Variants in DNAH2 observed in about 807,000 individuals in gnomAD.
DNAH2 encodes dynein axonemal heavy chain 2, also known as axonemal beta dynein heavy chain 2.
Under a neutral mutation model 523.5 loss-of-function variants are expected in DNAH2, and 323 were observed. The ratio of observed to expected loss-of-function variants is 0.62; its 90% CI spans 0.56 to 0.68. The LOEUF is 0.68. Ranked by LOEUF, DNAH2 falls within the 30% of genes least tolerant of loss-of-function variation. The pLI is 0.00. For synonymous variants in DNAH2, 2,093 were observed against 2,177.4 expected (o/e 0.96, Z 1.08); for missense variants, 4,907 against 5,701.5 (o/e 0.86, Z 4.49).
At position 7,805,305 on chromosome 17, in the gene DNAH2, GC is replaced by G; in HGVS notation, c.9359del (p.Pro3120GlnfsTer6). ...TAGGAGAGATCAAGTCTTATGGACG[GC>G]CCCCAGCCCAAGTGGAGATAGTGAT... ...DIGEIKSYGR[P>X]PAQVEIVMQA... On this transcript the variant is annotated frameshift_variant, in exon 61 of 86. Transcript: ENST00000572933. LOFTEE classifies it high-confidence loss of function. The G allele has an allele frequency of 6.2e-7, 1 of 1,614,194 alleles. No homozygotes were observed. Among genetic ancestry groups the G allele is most frequent in the Non-Finnish European group, 8.5e-7 (1 of 1,180,036 alleles).
At chr17:7,802,955 G>C (rs1457729132) in intron 58 of DNAH2, among the ~76,000 whole-genome samples, 1 of 151,948 alleles carries the variant, frequency 6.6e-6, no homozygotes, top group African/African-American at 2.4e-5. Flanking sequence ...TTACAGGCAT[G>C]AGCCACCGTG....
At chr17:7,729,757 TTC>T (rs1433511083) in intron 4 of DNAH2, among the ~76,000 whole-genome samples, 1 of 152,144 alleles carries the variant, frequency 6.6e-6, no homozygotes, top group East Asian at 1.9e-4. Flanking sequence ...ACAAAGATTT[TTC>T]ACTGCCTTAA....
intron 3 of DNAH2, among the ~76,000 whole-genome samples, chr17:7,724,742 C>CTTTTTTTTTTTTTT (rs57294591): frequency 3.1e-5 from 4 of 130,446 alleles, no homozygotes; most frequent in Non-Finnish European, 4.7e-5. Context: ...TCATATGTTA[C>CTTTTTTTTTTTTTT]TTTTTTTTTT....
At position 7,821,178 on chromosome 17, in the gene DNAH2, A is replaced by G; in HGVS notation, c.11016-65A>G. ...AGCTGTGTGATAGTAGCATCATAGC[A>G]TTCGCATGGAGCATCAGCCCCCATT... On this transcript the variant is annotated intron_variant, in intron 72 of 85. Coordinates refer to ENST00000572933, the MANE Select transcript of DNAH2 (RefSeq NM_020877.5). This position sits in a 1 kb window ranked among gnomAD's most constrained non-coding sequence, Gnocchi z 5.0. 1 of 1,572,392 alleles carries G rather than the reference A, an allele frequency of 6.4e-7. No individual in the cohort carries two copies. Among genetic ancestry groups the G allele is most frequent in the East Asian group, 2.3e-5 (1 of 44,138 alleles).
In DNAH2 at chr17:7,765,583, T is replaced by G; in HGVS notation, c.3511+18T>G. Reference sequence around the variant, plus strand: ...ATTCAAAGGTACTCCTTGATCCACCTCTCCCGCTTCTTTAGCCTTTGTTTA... The same window carrying G: ...ATTCAAAGGTACTCCTTGATCCACCGCTCCCGCTTCTTTAGCCTTTGTTTA... On this transcript the variant is annotated intron_variant, in intron 21 of 85. Transcript: ENST00000572933. 1.2e-6 allele frequency: 2 copies of G among 1,601,104 alleles called. No individual in the cohort carries two copies. The highest frequency in any genetic ancestry group is 1.7e-6 in the Non-Finnish European group (2 of 1,173,202).
In DNAH2 at chr17:7,831,438, G is replaced by A. The variant is rs1249985874; in HGVS notation, c.12508G>A (p.Asp4170Asn). ...GAAGCAGAAGATCCCTGAAATGATC[G>A]ACTATGAGGGGACTCAAAAACTGCT... Reference protein sequence around the residue: ...DVKQKIPEMIDYEGTQKLLAL... With the variant: ...DVKQKIPEMINYEGTQKLLAL... The change falls in exon 81 of 86, where the codon GAC becomes AAC. Residue 4170 changes from aspartate (D) to asparagine (N), a missense_variant. By Grantham distance (23) the Asp-to-Asn change is conservative. Around this residue, in one of 3 missense-constraint regions of DNAH2, gnomAD observed 1,851 missense variants for 2,139.4 expected, o/e 0.87. Coordinates refer to ENST00000572933, the MANE Select transcript of DNAH2 (RefSeq NM_020877.5). The surrounding 1 kb of genome is among the most constrained non-coding windows in gnomAD (Gnocchi z 4.2). 4.3e-6 allele frequency: 7 copies of A among 1,614,068 alleles called. No individual in the cohort carries two copies. Among genetic ancestry groups the A allele is most frequent in the African/African-American group, 1.3e-5 (1 of 75,006 alleles).
At chr17:7,799,945 C>T (rs979914443) in intron 56 of DNAH2, among the ~76,000 whole-genome samples, 17 of 152,246 alleles carry the variant, frequency 1.1e-4, no homozygotes, top group African/African-American at 3.4e-4. Flanking sequence ...CTCCCGAGGC[C>T]GTACTCCATA....
chr17:7,826,911 C>T (rs1428555665), intron 77 of DNAH2, among the ~76,000 whole-genome samples: 1 of 152,102 alleles, frequency 6.6e-6, no homozygotes, highest in Non-Finnish European at 1.5e-5. Context: ...CCAATCTCAT[C>T]ACTTTCCCTC....
In DNAH2 at chr17:7,780,509, T is replaced by TA; in HGVS notation, c.5851-120dup. On this transcript the variant is annotated intron_variant, in intron 37 of 85. Transcript: ENST00000572933. This position sits in a 1 kb window ranked among gnomAD's most constrained non-coding sequence, Gnocchi z 4.4. ...CACACAATTTCCTCAGGAGAATCCA[T>TA]AGAGTGCCTCCTAGCTGCTTCATGT... 6.8e-7 allele frequency: 1 copy of TA among 1,463,210 alleles called. No homozygotes were observed. The highest frequency in any genetic ancestry group is 9.3e-7 in the Non-Finnish European group (1 of 1,072,746). 90.6% of individuals were successfully genotyped at this position (1,463,210 alleles called of 1,614,324 possible).
intron 44 of DNAH2, among the ~76,000 whole-genome samples, chr17:7,788,589 A>G (rs1396447903): frequency 1.3e-5 from 2 of 152,196 alleles, no homozygotes; most frequent in Non-Finnish European, 2.9e-5. Context: ...TTTGGCGTAG[A>G]TGAGGCCCTG....
At chr17:7,781,189 C>T (rs201327356) in intron 39 of DNAH2, 22 bp downstream of exon 39, 217 of 1,613,948 alleles carry the variant, frequency 1.3e-4, no homozygotes, top group South Asian at 4.3e-4. Context: ...TTAATACTCT[C>T]CCTGACCGGG....
Position 7,805,300 on chromosome 17 carries a change from G to T in DNAH2, c.9349G>T (p.Gly3117Ter). The T allele has an allele frequency of 6.2e-7, 1 of 1,614,238 alleles. No individual in the cohort carries two copies. Among genetic ancestry groups the T allele is most frequent in the Non-Finnish European group, 8.5e-7 (1 of 1,180,042 alleles). The change falls in exon 61 of 86, where the codon GGA becomes TGA. Residue 3117 changes from glycine (G) to a stop codon, truncating the protein, a stop_gained. Transcript: ENST00000572933. LOFTEE classifies it high-confidence loss of function. The stretch of plus-strand genomic sequence containing the variant: ...GGATATAGGAGAGATCAAGTCTTAT[G>T]GACGGCCCCCAGCCCAAGTGGAGAT... ...KKDIGEIKSY[G>*]RPPAQVEIVM...
At position 7,794,488 on chromosome 17, in the gene DNAH2, C is replaced by T. The variant is rs141682032; in HGVS notation, c.7674+130C>T. 50 of 735,534 alleles carry T rather than the reference C, an allele frequency of 6.8e-5. No homozygotes were observed. In the African/African-American group the frequency reaches 7.1e-4, roughly 10 times the overall value. 45.6% of individuals were successfully genotyped at this position (735,534 alleles called of 1,614,324 possible). ...TGGAGCTCCACGCAGGACGCTGGGA[C>T]GATCCGTAAGGGCATGTGCTGGCTC... On this transcript the variant is annotated intron_variant, in intron 49 of 85. Coordinates refer to ENST00000572933, the MANE Select transcript of DNAH2 (RefSeq NM_020877.5).
chr17:7,744,470 G>A (rs2075456762), intron 12 of DNAH2, among the ~76,000 whole-genome samples: 1 of 152,086 alleles, frequency 6.6e-6, no homozygotes, highest in African/African-American at 2.4e-5. Flanking sequence ...GAGAAAGGAA[G>A]CAAAAGAACC....
Position 7,807,641 on chromosome 17 carries a change from G to T in DNAH2, c.9729+55G>T. 6.8e-7 allele frequency: 1 copy of T among 1,464,660 alleles called. No individual in the cohort carries two copies. Among genetic ancestry groups the T allele is most frequent in the South Asian group, 1.1e-5 (1 of 87,594 alleles). 90.7% of individuals were successfully genotyped at this position (1,464,660 alleles called of 1,614,324 possible). A position where few individuals can be genotyped will look rare whatever the true frequency, so the allele number is the denominator to read the frequency against. On this transcript the variant is annotated intron_variant, in intron 63 of 85. Coordinates refer to ENST00000572933, the MANE Select transcript of DNAH2 (RefSeq NM_020877.5). This position sits in a 1 kb window ranked among gnomAD's most constrained non-coding sequence, Gnocchi z 5.6. ...GGTCCCTCTCCCTGAGTTCTGGATTGCTTCATTAAGCATTTGTTTTCCCCC... is the reference window on the plus strand; with the variant it reads ...GGTCCCTCTCCCTGAGTTCTGGATTTCTTCATTAAGCATTTGTTTTCCCCC...
intron 44 of DNAH2, among the ~76,000 whole-genome samples, chr17:7,791,339 G>A (rs1283403240): frequency 2.0e-5 from 3 of 152,072 alleles, no homozygotes; most frequent in Non-Finnish European, 4.4e-5. Context: ...CCTAAGTGCT[G>A]GGATTACAGG....
At chr17:7,742,874 C>G in intron 11 of DNAH2, 54 bp from the exon 12 acceptor site, 2 of 1,277,850 alleles carry the variant, frequency 1.6e-6, no homozygotes, top group Non-Finnish European at 2.0e-6. Context: ...GAGATGGTGG[C>G]CCCTGGAGGA....
Position 7,786,596 on chromosome 17 carries a change from G to C in DNAH2, c.6375G>C (p.Leu2125Phe). The C allele has an allele frequency of 1.2e-6, 2 of 1,614,054 alleles. No homozygotes were observed. The highest frequency in any genetic ancestry group is 8.5e-7 in the Non-Finnish European group (1 of 1,180,016). ...AGTTCCCTTTGAACCCCAAGGCATT[G>C]TCCCTAGGGGAACTGTATGGGGAAT... ...VREFPLNPKALSLGELYGEYD... is the reference protein window; with the variant it reads ...VREFPLNPKAFSLGELYGEYD... The change falls in exon 41 of 86, where the codon TTG (leucine) becomes TTC (phenylalanine). Residue 2125 changes from leucine to phenylalanine, a missense_variant. Leu to Phe is a conservative substitution (Grantham distance 22). Coordinates refer to ENST00000572933, the MANE Select transcript of DNAH2 (RefSeq NM_020877.5). This position sits in a 1 kb window ranked among gnomAD's most constrained non-coding sequence, Gnocchi z 7.5.
chr17:7,719,313 G>C (rs992322604), intron 1 of DNAH2, among the ~76,000 whole-genome samples: 4 of 152,036 alleles, frequency 2.6e-5, no homozygotes, highest in African/African-American at 7.2e-5. Flanking sequence ...ATTTTTAGTA[G>C]AGACGGGGTT....
Sources: allele counts gnomAD v4.1 joint callset (sites outside exome capture counted in the v4.1 genomes callset), GRCh38; gene constraint gnomAD v4.1.1; regional missense constraint gnomAD v4.1.1; non-coding constraint Gnocchi (gnomAD v3.1); transcripts MANE v1.5; gene names NCBI Gene and HGNC (gene_info 2026-07-23, HGNC 2026-07-21).